The following DNAH14 variants were observed in gnomAD, a reference collection of about 807,000 sequenced individuals.
DNAH14 encodes the protein axonemal beta dynein heavy chain 14.
DNAH14 carries 478 observed loss-of-function variants against 520.9 expected under a neutral mutation model. The observed-to-expected ratio is 0.92, with a 90% CI of 0.85 to 0.99. The LOEUF (loss-of-function observed/expected upper bound fraction) is 0.99, where lower values mean the gene tolerates loss of function less well. Ranked by LOEUF, DNAH14 falls within the 50% of genes least tolerant of loss-of-function variation. The probability of loss-of-function intolerance (pLI) is 0.00; values close to 1 mark genes in which losing one functional copy is unlikely to be tolerated. For synonymous variants in DNAH14, 1,581 were observed against 1,757.2 expected (o/e 0.90, Z 2.51); for missense variants, 4,831 against 5,234.5 (o/e 0.92, Z 2.38).
chr1:225,291,238 C>G (rs2093881510), intron 55 of DNAH14, among the ~76,000 whole-genome samples: 1 of 151,856 alleles, frequency 6.6e-6, no homozygotes, highest in Admixed American at 6.6e-5. Flanking sequence ...GTATATATAC[C>G]ATATTTTCTT....
At chr1:225,149,603 T>C (rs2080288582) in intron 31 of DNAH14, among the ~76,000 whole-genome samples, 1 of 152,202 alleles carries the variant, frequency 6.6e-6, no homozygotes, top group Non-Finnish European at 1.5e-5. Flanking sequence ...ATCAGTGTTT[T>C]GTAGTTTTCC....
At chr1:225,303,567 T>C (rs575957588) in intron 57 of DNAH14, among the ~76,000 whole-genome samples, 7 of 152,242 alleles carry the variant, frequency 4.6e-5, no homozygotes, top group Non-Finnish European at 4.4e-5. Flanking sequence ...GATTCTGCAA[T>C]GCCTGTGTCT....
intron 41 of DNAH14, among the ~76,000 whole-genome samples, chr1:225,227,203 C>G (rs1483268668): frequency 6.6e-6 from 1 of 152,122 alleles, no homozygotes; most frequent in Non-Finnish European, 1.5e-5. Context: ...TCAGGTCTTT[C>G]CCTTCCCATG....
chr1:225,271,758 A>G (rs1200342227), intron 50 of DNAH14, 148 bp from the exon 51 acceptor site: 4 of 695,390 alleles, frequency 5.8e-6, no homozygotes, highest in Non-Finnish European at 9.3e-6. Context: ...CTAATCTACC[A>G]TCCTATGTTA....
intron 17 of DNAH14, among the ~76,000 whole-genome samples, chr1:225,061,951 G>A (rs1191435700): frequency 2.0e-5 from 3 of 152,184 alleles, no homozygotes; most frequent in Admixed American, 1.3e-4. Context: ...CCATGATGGA[G>A]AAACAAAGAC....
At chr1:224,988,626 C>T (rs1478883168) in intron 8 of DNAH14, among the ~76,000 whole-genome samples, 1 of 152,058 alleles carries the variant, frequency 6.6e-6, no homozygotes, top group African/African-American at 2.4e-5. Flanking sequence ...GGGTGTATAC[C>T]CAAAGGAATA....
intron 11 of DNAH14, among the ~76,000 whole-genome samples, chr1:225,028,923 A>G (rs909837735): frequency 2.0e-5 from 3 of 152,030 alleles, no homozygotes; most frequent in East Asian, 1.9e-4. Flanking sequence ...AACTTACCCT[A>G]TAATGTAGCA....
At chr1:225,174,991 A>G (rs1183731670) in intron 36 of DNAH14, among the ~76,000 whole-genome samples, 1 of 152,202 alleles carries the variant, frequency 6.6e-6, no homozygotes, top group African/African-American at 2.4e-5. Context: ...TGTTTTGCAT[A>G]TGTTGAACAA....
intron 40 of DNAH14, among the ~76,000 whole-genome samples, chr1:225,206,614 T>C (rs552689958): frequency 3.5e-4 from 54 of 152,330 alleles, no homozygotes; most frequent in African/African-American, 1.3e-3. Context: ...CATGAAGTTA[T>C]TAGCTATAAT....
chr1:225,119,503 G>C (rs564870672), intron 26 of DNAH14, among the ~76,000 whole-genome samples: 19 of 152,258 alleles, frequency 1.2e-4, no homozygotes, highest in Admixed American at 2.6e-4. Flanking sequence ...CACTTTTACA[G>C]TGTAACTGTC....
At chr1:225,303,541 A>G (rs2094179787) in intron 57 of DNAH14, among the ~76,000 whole-genome samples, 194 bp downstream of exon 57, 1 of 152,164 alleles carries the variant, frequency 6.6e-6, no homozygotes, top group South Asian at 2.1e-4. Context: ...CCCTATTTCA[A>G]AGATGCCCAG....
At chr1:224,988,412 C>T (rs1558610018) in intron 8 of DNAH14, among the ~76,000 whole-genome samples, 1 of 152,132 alleles carries the variant, frequency 6.6e-6, no homozygotes, top group Non-Finnish European at 1.5e-5. Flanking sequence ...CAAATCAAAA[C>T]CACAATGAAA....
chr1:225,306,012 A>G (rs569822842), intron 58 of DNAH14, among the ~76,000 whole-genome samples: 1 of 152,200 alleles, frequency 6.6e-6, no homozygotes, highest in Non-Finnish European at 1.5e-5. Context: ...ATCCAAGTGC[A>G]TCAAGAGGTA....
chr1:225,345,571 A>C (rs2095273292), intron 69 of DNAH14, among the ~76,000 whole-genome samples: 1 of 152,266 alleles, frequency 6.6e-6, no homozygotes. Context: ...ACAAAATATC[A>C]GAATAAATCA....
At chr1:224,945,548 T>C (rs1054163118) in intron 1 of DNAH14, among the ~76,000 whole-genome samples, 4 of 152,248 alleles carry the variant, frequency 2.6e-5, no homozygotes, top group Non-Finnish European at 5.9e-5. Context: ...TGTGTTCCTC[T>C]GGAGGAGGCA....
chr1:225,162,479 C>T (rs1355323053), intron 35 of DNAH14, among the ~76,000 whole-genome samples: 1 of 152,080 alleles, frequency 6.6e-6, no homozygotes, highest in East Asian at 1.9e-4. Context: ...GTGATTCCTC[C>T]AGTTTGTTCT....
intron 1 of DNAH14, among the ~76,000 whole-genome samples, chr1:224,936,618 A>G (rs150692065): frequency 6.6e-6 from 1 of 152,032 alleles, no homozygotes; most frequent in East Asian, 1.9e-4. Flanking sequence ...TGATGCCTTC[A>G]CTGCTGAATT....
At chr1:225,389,666 C>A in intron 82 of DNAH14, 68 bp from the exon 83 acceptor site, 1 of 1,492,560 alleles carries the variant, frequency 6.7e-7, no homozygotes, top group Non-Finnish European at 9.0e-7. Context: ...GAGGAAATGG[C>A]CCACATCACC....
In DNAH14 at chr1:224,946,597, A is replaced by G. The variant is rs190562678; in HGVS notation, c.-33-6073A>G. Among the ~76,000 whole-genome samples, 416 of 152,268 alleles carry G rather than the reference A, an allele frequency of 2.7e-3. 3 individuals are homozygous for G. The highest frequency in any genetic ancestry group is 9.4e-3 in the African/African-American group (390 of 41,558). On this transcript the variant is annotated intron_variant, in intron 1 of 85. Transcript: ENST00000682510. ...GGAGCTGTAGACTGGAGATGTTCCT[A>G]TTCGGCCATCTTGGTTCCACCTATC... is the stretch of plus-strand genomic sequence containing the variant.
Sources: allele counts gnomAD v4.1 joint callset (sites outside exome capture counted in the v4.1 genomes callset), GRCh38; gene constraint gnomAD v4.1.1; transcripts MANE v1.5; gene names NCBI Gene and HGNC (gene_info 2026-07-23, HGNC 2026-07-21).